The following DAAM1 variants were observed in gnomAD, a reference collection of about 807,000 sequenced individuals.
DAAM1 encodes the protein dishevelled associated activator of morphogenesis 1, also known as disheveled-associated activator of morphogenesis 1.
A neutral mutation model predicts 130.0 loss-of-function variants in DAAM1; 52 were observed. The ratio of observed to expected loss-of-function variants is 0.40; its 90% CI spans 0.32 to 0.50. The LOEUF (loss-of-function observed/expected upper bound fraction) is 0.50. Ranked by LOEUF, DAAM1 falls within the 20% of genes least tolerant of loss-of-function variation. The pLI is 0.61. For synonymous variants in DAAM1, 452 were observed against 444.5 expected (o/e 1.02, Z -0.21); for missense variants, 1,134 against 1,303.8 (o/e 0.87, Z 2.01).
At chr14:59,207,567 C>T (rs1479912870) in intron 1 of DAAM1, among the ~76,000 whole-genome samples, 3 of 152,178 alleles carry the variant, frequency 2.0e-5, no homozygotes, top group African/African-American at 7.2e-5. Flanking sequence ...TGAATGATGA[C>T]TTCATCGTGG....
chr14:59,335,804 C>A (rs1426980160), intron 15 of DAAM1, among the ~76,000 whole-genome samples: 5 of 152,122 alleles, frequency 3.3e-5, no homozygotes, highest in Non-Finnish European at 7.4e-5. Flanking sequence ...ATGTAATACA[C>A]AAGACATTTT....
chr14:59,316,879 A>G (rs1884813691), intron 4 of DAAM1, among the ~76,000 whole-genome samples: 1 of 152,236 alleles, frequency 6.6e-6, no homozygotes, highest in Admixed American at 6.5e-5. Flanking sequence ...ATGGGGAACT[A>G]CTAAGTACTG....
At chr14:59,353,631 T>C (rs766638148) in intron 18 of DAAM1, among the ~76,000 whole-genome samples, 15 of 152,190 alleles carry the variant, frequency 9.9e-5, no homozygotes, top group Non-Finnish European at 2.9e-5. Context: ...GTTGCCTTGA[T>C]GGGCGCTAAG....
intron 10 of DAAM1, 68 bp downstream of exon 10, chr14:59,326,145 C>A: frequency 6.9e-7 from 1 of 1,442,150 alleles, no homozygotes; most frequent in Non-Finnish European, 9.8e-7. Flanking sequence ...GGTTCTGGCT[C>A]CTGCACAGTG....
chr14:59,361,066 T>TAAGTC (rs990075805), intron 22 of DAAM1, among the ~76,000 whole-genome samples: 14 of 152,290 alleles, frequency 9.2e-5, no homozygotes, highest in African/African-American at 3.4e-4. Context: ...GGGTCGTGGA[T>TAAGTC]AAGTCACTGC....
chr14:59,349,084 G>A (rs1406404134), intron 17 of DAAM1, among the ~76,000 whole-genome samples: 1 of 152,218 alleles, frequency 6.6e-6, no homozygotes, highest in Non-Finnish European at 1.5e-5. Flanking sequence ...CTCCCTTGCT[G>A]TAGACCAGTC....
intron 17 of DAAM1, among the ~76,000 whole-genome samples, chr14:59,349,000 G>A (rs1886186787): frequency 6.6e-6 from 1 of 152,118 alleles, no homozygotes; most frequent in Non-Finnish European, 1.5e-5. Flanking sequence ...CTCTGTGTAT[G>A]AACGGTTTAA....
intron 15 of DAAM1, among the ~76,000 whole-genome samples, chr14:59,336,859 CAGGTACTAT>C (rs1885646545): frequency 6.6e-6 from 1 of 152,158 alleles, no homozygotes; most frequent in Non-Finnish European, 1.5e-5. Context: ...ACCTATGTGT[CAGGTACTAT>C]ACACAACGCA....
At position 59,366,919 on chromosome 14, in the gene DAAM1, T is replaced by TAA. The variant is rs377198440; in HGVS notation, c.2827-497_2827-496dup. On this transcript the variant is annotated intron_variant, in intron 23 of 24. Transcript: ENST00000360909. Reference sequence around the variant, plus strand: ...GGGTAACATGTAAGACCCCATCTATTAAAAAAAAAAAAAACTAATAACATA... The same window carrying TAA: ...GGGTAACATGTAAGACCCCATCTATTAAAAAAAAAAAAAAAACTAATAACATA... Among the ~76,000 whole-genome samples, 275 of 144,256 alleles carry TAA rather than the reference T, an allele frequency of 1.9e-3. No individual in the cohort carries two copies. In the South Asian group the frequency reaches 0.02, roughly 11 times the overall value. The allele number at this position is 144,256 out of a possible 152,430, so 94.6% of individuals were successfully genotyped here. A position where few individuals can be genotyped will look rare whatever the true frequency, so the allele number is the denominator to read the frequency against.
At chr14:59,254,537 T>C (rs1428006981) in intron 1 of DAAM1, among the ~76,000 whole-genome samples, 1 of 152,162 alleles carries the variant, frequency 6.6e-6, no homozygotes, top group East Asian at 1.9e-4. Context: ...TCAGCTTACA[T>C]TTGTTTATTG....
chr14:59,326,231 T>A, intron 10 of DAAM1, 154 bp downstream of exon 10: 1 of 723,720 alleles, frequency 1.4e-6, no homozygotes, highest in Non-Finnish European at 2.2e-6. Context: ...CTACATGGCT[T>A]AAAGGGTGTT....
intron 1 of DAAM1, among the ~76,000 whole-genome samples, chr14:59,251,624 C>G (rs1881646942): frequency 6.6e-6 from 1 of 152,110 alleles, no homozygotes; most frequent in East Asian, 1.9e-4. Flanking sequence ...CTTTAATCAT[C>G]AGAGAAGATG....
At chr14:59,304,398 C>T (rs137916725) in intron 3 of DAAM1, among the ~76,000 whole-genome samples, 1 of 152,184 alleles carries the variant, frequency 6.6e-6, no homozygotes, top group Non-Finnish European at 1.5e-5. Flanking sequence ...TAGAATGTGC[C>T]ACTAATAATT....
chr14:59,189,441 G>A (rs1887659182), intron 1 of DAAM1, among the ~76,000 whole-genome samples: 1 of 152,224 alleles, frequency 6.6e-6, no homozygotes, highest in South Asian at 2.1e-4. Flanking sequence ...GGGAGGCTGC[G>A]CCGCCTGCGG....
chr14:59,235,944 A>T (rs1889282438), intron 1 of DAAM1, among the ~76,000 whole-genome samples: 1 of 152,184 alleles, frequency 6.6e-6, no homozygotes, highest in Non-Finnish European at 1.5e-5. Context: ...TCACTTCGTC[A>T]AATGAATAGC....
chr14:59,234,106 C>T (rs1394323335), intron 1 of DAAM1, among the ~76,000 whole-genome samples: 2 of 152,114 alleles, frequency 1.3e-5, no homozygotes, highest in African/African-American at 2.4e-5. Context: ...ATTGTCTTGG[C>T]TGTGTGGGCC....
intron 1 of DAAM1, among the ~76,000 whole-genome samples, chr14:59,208,813 A>T (rs774640146): frequency 2.0e-5 from 3 of 152,042 alleles, no homozygotes; most frequent in Non-Finnish European, 4.4e-5. Flanking sequence ...CTTGGTGACG[A>T]GTGGGTTCTC....
At chr14:59,332,595 G>A (rs1230311024) in intron 15 of DAAM1, among the ~76,000 whole-genome samples, 1 of 152,226 alleles carries the variant, frequency 6.6e-6, no homozygotes, top group Admixed American at 6.5e-5. Flanking sequence ...GCATCACTAT[G>A]TGAGCCCCAG....
At chr14:59,284,395 T>C (rs1566683943) in intron 2 of DAAM1, among the ~76,000 whole-genome samples, 2 of 152,180 alleles carry the variant, frequency 1.3e-5, no homozygotes, top group African/African-American at 2.4e-5. Context: ...TGCAGATATA[T>C]GCAAGAGCCA....
Sources: gnomAD v4.1 joint callset for allele counts (sites outside exome capture counted in the v4.1 genomes callset) on GRCh38, gnomAD v4.1.1 for gene constraint, MANE v1.5 for transcripts, NCBI Gene and HGNC (gene_info 2026-07-23, HGNC 2026-07-21) for gene names.